ARMH4: variants seen among roughly 807,000 people sequenced by gnomAD.
ARMH4 encodes the protein armadillo like helical domain containing 4.
A neutral mutation model predicts 61.9 loss-of-function variants in ARMH4; 49 were observed. The ratio of observed to expected loss-of-function variants is 0.79; its 90% CI spans 0.63 to 1.00. ARMH4 has a LOEUF of 1.00. ARMH4 is among the 50% of genes least tolerant of loss of function. The pLI, the probability that ARMH4 is intolerant of heterozygous loss-of-function variation, is 0.00. For missense variants in ARMH4, 934 were observed against 930.0 expected, an observed-to-expected ratio of 1.00 and a Z score of -0.06; for synonymous variants, 368 against 341.5, an observed-to-expected ratio of 1.08 and a Z score of -0.85.
intron 1 of ARMH4, among the ~76,000 whole-genome samples, chr14:58,144,553 A>G (rs1395151182): frequency 2.6e-5 from 4 of 152,020 alleles, no homozygotes; most frequent in Non-Finnish European, 4.4e-5. Flanking sequence ...CTCAAAAACA[A>G]ACAGACAACA....
intron 5 of ARMH4, among the ~76,000 whole-genome samples, chr14:58,028,906 T>C (rs1480963829): frequency 6.6e-6 from 1 of 152,238 alleles, no homozygotes; most frequent in Non-Finnish European, 1.5e-5. Context: ...TTTTGGTTTT[T>C]AATTTATTGA....
chr14:58,096,648 A>G (rs1321426131), intron 5 of ARMH4, 76 bp downstream of exon 5: 1 of 1,500,538 alleles, frequency 6.7e-7, no homozygotes. Context: ...ATAGATGGCA[A>G]TGAAAGAAGG....
At chr14:58,084,099 G>A (rs1885310523) in intron 5 of ARMH4, among the ~76,000 whole-genome samples, 1 of 152,160 alleles carries the variant, frequency 6.6e-6, no homozygotes, top group Non-Finnish European at 1.5e-5. Flanking sequence ...AGCCTCTTGG[G>A]ATCCCAGGAC....
intron 5 of ARMH4, among the ~76,000 whole-genome samples, chr14:58,041,184 G>A (rs374370176): frequency 4.5e-4 from 69 of 152,276 alleles, no homozygotes; most frequent in Middle Eastern, 3.4e-3. Flanking sequence ...CCCGGGAAGC[G>A]TAAGGGGTCA....
chr14:58,008,216 G>A (rs887360113), intron 6 of ARMH4, among the ~76,000 whole-genome samples: 3 of 152,052 alleles, frequency 2.0e-5, no homozygotes, highest in African/African-American at 7.2e-5. Context: ...AGGGTAAACA[G>A]GCCACAACAC....
rs114110731 is a variant in ARMH4 at position 58,148,663 on chromosome 14, C to T, written c.-57+3412G>A. On this transcript the variant is annotated intron_variant, in intron 1 of 7. Transcript: ENST00000267485. Reference sequence around the variant, plus strand: ...AACCATTTAAGAATATGAAAAAGAACGTTTCAAGTCCTTATTTTGTACTGT... The same window carrying T: ...AACCATTTAAGAATATGAAAAAGAATGTTTCAAGTCCTTATTTTGTACTGT... 8.7e-3 allele frequency among the ~76,000 whole-genome samples: 1,318 copies of T among 152,060 alleles called. 21 individuals carry two copies. The highest frequency in any genetic ancestry group is 0.03 in the African/African-American group (1,246 of 41,458).
chr14:58,022,815 C>A (rs1394692952), intron 5 of ARMH4, among the ~76,000 whole-genome samples: 1 of 152,128 alleles, frequency 6.6e-6, no homozygotes, highest in Non-Finnish European at 1.5e-5. Flanking sequence ...ACAGACATAC[C>A]TTGGAGATAT....
intron 6 of ARMH4, among the ~76,000 whole-genome samples, chr14:58,009,088 CT>C (rs1882290957): frequency 6.6e-6 from 1 of 152,060 alleles, no homozygotes; most frequent in Non-Finnish European, 1.5e-5. Flanking sequence ...AATATCCATT[CT>C]TTTCTTCTTC....
intron 5 of ARMH4, among the ~76,000 whole-genome samples, chr14:58,074,964 A>G (rs1026331717): frequency 1.3e-5 from 2 of 152,280 alleles, no homozygotes; most frequent in Non-Finnish European, 2.9e-5. Context: ...ATATATTAAG[A>G]GCCGCATCTT....
intron 4 of ARMH4, among the ~76,000 whole-genome samples, chr14:58,129,164 C>T (rs1479504326): frequency 6.6e-6 from 1 of 152,168 alleles, no homozygotes; most frequent in Admixed American, 6.5e-5. Flanking sequence ...AAACTCATAC[C>T]CCCTCTCAGT....
At chr14:58,049,363 A>G (rs1015229104) in intron 5 of ARMH4, among the ~76,000 whole-genome samples, 12 of 152,214 alleles carry the variant, frequency 7.9e-5, no homozygotes, top group South Asian at 2.1e-4. Flanking sequence ...TCAATTGCAC[A>G]TTATTTTCAA....
chr14:58,111,048 C>A (rs1359808880), intron 4 of ARMH4, among the ~76,000 whole-genome samples: 4 of 152,146 alleles, frequency 2.6e-5, no homozygotes, highest in Non-Finnish European at 5.9e-5. Context: ...GCCACCACGC[C>A]CAGCCAGGAT....
At chr14:58,144,686 T>C (rs1336080730) in intron 1 of ARMH4, among the ~76,000 whole-genome samples, 1 of 152,020 alleles carries the variant, frequency 6.6e-6, no homozygotes, top group African/African-American at 2.4e-5. Context: ...GCTAACACGG[T>C]GAAACCCCGT....
chr14:58,079,056 A>T (rs557272613), intron 5 of ARMH4, among the ~76,000 whole-genome samples: 1 of 152,220 alleles, frequency 6.6e-6, no homozygotes, highest in African/African-American at 2.4e-5. Flanking sequence ...TTTTGAGACC[A>T]TGCAATTTGG....
chr14:58,150,459 T>C (rs566499261), intron 1 of ARMH4, among the ~76,000 whole-genome samples: 7 of 152,354 alleles, frequency 4.6e-5, no homozygotes, highest in African/African-American at 1.7e-4. Context: ...GGAGTGGACA[T>C]TTTCCACAGC....
chr14:58,070,368 C>A (rs779624692), intron 5 of ARMH4, among the ~76,000 whole-genome samples: 6 of 152,058 alleles, frequency 3.9e-5, no homozygotes, highest in Non-Finnish European at 7.4e-5. Context: ...TACATGCTGA[C>A]CTCACATCAG....
chr14:58,124,084 G>A (rs944065641), intron 4 of ARMH4, among the ~76,000 whole-genome samples: 7 of 152,130 alleles, frequency 4.6e-5, no homozygotes, highest in Admixed American at 6.5e-5. Flanking sequence ...GGGTTCCTTG[G>A]CATAACAGGT....
chr14:58,081,829 C>A (rs184752394), intron 5 of ARMH4, among the ~76,000 whole-genome samples: 1 of 152,098 alleles, frequency 6.6e-6, no homozygotes, highest in East Asian at 1.9e-4. Context: ...AATGCTACAG[C>A]CTTTATAACT....
At chr14:58,078,457 A>G (rs893549519) in intron 5 of ARMH4, among the ~76,000 whole-genome samples, 1 of 152,150 alleles carries the variant, frequency 6.6e-6, no homozygotes, top group Non-Finnish European at 1.5e-5. Flanking sequence ...CCTCTGCTTC[A>G]TTGGGATAAA....
Sources: allele counts gnomAD v4.1 joint callset (sites outside exome capture counted in the v4.1 genomes callset), GRCh38; gene constraint gnomAD v4.1.1; transcripts MANE v1.5; gene names NCBI Gene and HGNC (gene_info 2026-07-23, HGNC 2026-07-21).